HEPH: variants seen among roughly 807,000 people sequenced by gnomAD.
HEPH encodes the protein hephaestin.
A neutral mutation model predicts 80.8 loss-of-function variants in HEPH; 69 were observed. That is an observed-to-expected ratio of 0.85 (90% CI 0.70 to 1.04). The LOEUF (loss-of-function observed/expected upper bound fraction) is 1.04, where lower values mean the gene tolerates loss of function less well. HEPH is among the 50% of genes least tolerant of loss of function. The probability of loss-of-function intolerance (pLI) is 0.00; values close to 1 mark genes in which losing one functional copy is unlikely to be tolerated. For synonymous variants in HEPH, 431 were observed against 322.8 expected, an observed-to-expected ratio of 1.34 and a Z score of -3.60; for missense variants, 1,115 against 891.3, an observed-to-expected ratio of 1.25 and a Z score of -3.20.
chrX:66,222,603 C>G (rs1212059308), intron 15 of HEPH, among the ~76,000 whole-genome samples: 1 of 111,986 alleles, frequency 8.9e-6, no homozygotes, highest in Non-Finnish European at 1.9e-5. Context: ...TCCTTGCTCT[C>G]TAGTGGTCCA....
intron 15 of HEPH, among the ~76,000 whole-genome samples, chrX:66,235,773 T>C (rs1169992689): frequency 8.9e-6 from 1 of 112,283 alleles, no homozygotes; most frequent in Non-Finnish European, 1.9e-5. Context: ...ATTGAATCTA[T>C]ACATTGCTTT....
In HEPH at chrX:66,229,210, A is replaced by G. The variant is rs753655963; in HGVS notation, c.2563+20964A>G. Among the ~76,000 whole-genome samples, 37 of 112,474 alleles carry G rather than the reference A, an allele frequency of 3.3e-4. No individual in the cohort carries two copies. The South Asian group carries it at 0.014, about 41-fold the overall frequency. Reference sequence around the variant, plus strand: ...CATAGACATAGATATAGACATAGACATAGATATAGATATATAGATATAGAT... The same window carrying G: ...CATAGACATAGATATAGACATAGACGTAGATATAGATATATAGATATAGAT... On this transcript the variant is annotated intron_variant, in intron 15 of 20. Transcript: ENST00000343002.
chrX:66,232,798 C>T (rs2090204482), intron 15 of HEPH, among the ~76,000 whole-genome samples: 1 of 110,780 alleles, frequency 9.0e-6, no homozygotes, highest in South Asian at 3.8e-4. Flanking sequence ...ATGGTATATT[C>T]TATCAGTAAA....
At chrX:66,186,610 C>T (rs756919265) in intron 4 of HEPH, among the ~76,000 whole-genome samples, 6 of 112,198 alleles carry the variant, frequency 5.3e-5, no homozygotes, top group Non-Finnish European at 9.4e-5. Context: ...CTGGCACTCC[C>T]TAGTGAGATG....
intron 13 of HEPH, among the ~76,000 whole-genome samples, 200 bp from the exon 14 acceptor site, chrX:66,206,995 C>A (rs2088815408): frequency 9.4e-6 from 1 of 106,683 alleles, no homozygotes; most frequent in African/African-American, 3.4e-5. Context: ...CCAGCCTGGG[C>A]AACAAGAGCG....
Position 66,260,137 on chromosome X carries a change from T to A in HEPH, c.3074T>A (p.Phe1025Tyr). 1 of 1,209,207 alleles carries A rather than the reference T, an allele frequency of 8.3e-7. No homozygotes were observed. The highest frequency in any genetic ancestry group is 1.1e-6 in the Non-Finnish European group (1 of 893,728). Residue 1025 changes from phenylalanine to tyrosine, a missense_variant, in exon 19 of 21, where the codon TTC becomes TAC. Phe to Tyr is a conservative substitution (Grantham distance 22). Around this residue, in one of 3 missense-constraint regions of HEPH, gnomAD observed 716 missense variants for 523.5 expected, o/e 1.37. Coordinates refer to ENST00000343002, the MANE Select transcript of HEPH (RefSeq NM_001367233.3). ...ENYRADVVDL[F>Y]PGTFEVVEMV... Reference sequence around the variant, plus strand: ...TACCGGGCAGATGTGGTGGATCTGTTCCCAGGGACTTTTGAGGTTGTGGAG... The same window carrying A: ...TACCGGGCAGATGTGGTGGATCTGTACCCAGGGACTTTTGAGGTTGTGGAG...
At chrX:66,194,681 T>A (rs1224155468) in intron 8 of HEPH, among the ~76,000 whole-genome samples, 1 of 111,640 alleles carries the variant, frequency 9.0e-6, no homozygotes, top group Non-Finnish European at 1.9e-5. Flanking sequence ...GACATGTAGC[T>A]ATGGGATCTG....
At chrX:66,199,190 C>T (rs1350997156) in intron 11 of HEPH, among the ~76,000 whole-genome samples, 162 bp downstream of exon 11, 2 of 112,215 alleles carry the variant, frequency 1.8e-5, no homozygotes, top group Non-Finnish European at 3.8e-5. Context: ...AGATCTTATA[C>T]TTAGTACCTT....
upstream of HEPH, among the ~76,000 whole-genome samples, chrX:66,163,864 C>T (rs200437594): frequency 2.7e-5 from 3 of 112,022 alleles, no homozygotes; most frequent in East Asian, 5.6e-4. Flanking sequence ...TAACATAGGG[C>T]TTAGAATGTA....
In HEPH at chrX:66,204,439, G is replaced by T. The variant is rs191120848; in HGVS notation, c.2291+862G>T. On this transcript the variant is annotated intron_variant, in intron 13 of 20. Transcript: ENST00000343002. ...TTACTCTTTGCGTTGTTCGTTGAAG[G>T]TTGAAGTCTTCCTGCTAAACATCTA... Among the ~76,000 whole-genome samples the T allele has an allele frequency of 4.4e-4, 49 of 112,127 alleles. 1 individual carries two copies. Among genetic ancestry groups the T allele is most frequent in the African/African-American group, 1.6e-3 (48 of 30,908 alleles).
intron 6 of HEPH, among the ~76,000 whole-genome samples, chrX:66,190,199 G>C (rs763302922): frequency 1.8e-5 from 2 of 109,822 alleles, no homozygotes; most frequent in Non-Finnish European, 3.8e-5. Context: ...GGATGGATAA[G>C]TAGACTTTTA....
At chrX:66,204,394 T>C (rs2088648070) in intron 13 of HEPH, among the ~76,000 whole-genome samples, 1 of 112,414 alleles carries the variant, frequency 8.9e-6, no homozygotes, top group Admixed American at 9.4e-5. Flanking sequence ...TTTGGTGCTG[T>C]CACTACACTT....
chrX:66,263,266 GT>G (rs746613376), intron 19 of HEPH, among the ~76,000 whole-genome samples: 2 of 111,864 alleles, frequency 1.8e-5, no homozygotes, highest in Admixed American at 1.9e-4. Flanking sequence ...AGGAAGAAGT[GT>G]TCTGAGAAGA....
At position 66,200,590 on chromosome X, in the gene HEPH, G is replaced by A. The variant is rs2088382692; in HGVS notation, c.1915G>A (p.Gly639Ser). The change falls in exon 12 of 21, where the codon GGT becomes AGT. Residue 639 changes from glycine to serine, a missense_variant. Gly to Ser is a moderately conservative substitution (Grantham distance 56). Transcript: ENST00000343002. ...SNLPRLDMCK[G>S]DTVAWHLLGL... ...CCTGCCCAGGCTGGACATGTGCAAG[G>A]GTGACACAGTGGCCTGGCACCTGCT... 2 of 1,207,694 alleles carry A rather than the reference G, an allele frequency of 1.7e-6. No individual in the cohort carries two copies. The highest frequency in any genetic ancestry group is 1.8e-5 in the South Asian group (1 of 56,246).
rs2091555585 is a variant in HEPH at position 66,266,831 on chromosome X, C to G, written c.*159C>G. 4.6e-6 allele frequency: 2 copies of G among 430,591 alleles called. No homozygotes were observed. The highest frequency in any genetic ancestry group is 4.0e-5 in the South Asian group (1 of 24,769). The allele number at this position is 430,591 out of a possible 1,213,427, so 35.5% of individuals were successfully genotyped here. On this transcript the variant is annotated 3_prime_UTR_variant, in exon 21 of 21. Coordinates refer to ENST00000343002, the MANE Select transcript of HEPH (RefSeq NM_001367233.3). The stretch of plus-strand genomic sequence containing the variant: ...GATATTTCTTTCTTTATTTATTTTA[C>G]ATGGAAATAATATGATTTCACTTTT...
intron 4 of HEPH, among the ~76,000 whole-genome samples, chrX:66,177,294 A>T (rs1297944842): frequency 9.0e-6 from 1 of 111,585 alleles, no homozygotes; most frequent in African/African-American, 3.3e-5. Context: ...TGTCAAAAGG[A>T]TTGGTACCAA....
chrX:66,240,747 A>G (rs1435695323), intron 15 of HEPH, among the ~76,000 whole-genome samples: 4 of 112,374 alleles, frequency 3.6e-5, no homozygotes, highest in Non-Finnish European at 7.5e-5. Flanking sequence ...CACTGAAAAT[A>G]AAAAGAAAAC....
rs1472606210 is a variant in HEPH at position 66,182,021 on chromosome X, A to G, written c.626-6338A>G. On this transcript the variant is annotated intron_variant, in intron 4 of 20. Transcript: ENST00000343002. ...GATAAGATAGTTGTAGATATGCGGCATTATTTCTGAGGGCTCTGTTCTGTT... is the reference window on the plus strand; with the variant it reads ...GATAAGATAGTTGTAGATATGCGGCGTTATTTCTGAGGGCTCTGTTCTGTT... 3.9e-3 allele frequency among the ~76,000 whole-genome samples: 413 copies of G among 107,073 alleles called. 3 individuals are homozygous for G. The highest frequency in any genetic ancestry group is 0.012 in the African/African-American group (365 of 29,418). 93.0% of individuals were successfully genotyped at this position (107,073 alleles called of 115,157 possible). A position where few individuals can be genotyped will look rare whatever the true frequency, so the allele number is the denominator to read the frequency against.
chrX:66,230,532 A>G (rs1442605902), intron 15 of HEPH, among the ~76,000 whole-genome samples: 1 of 107,353 alleles, frequency 9.3e-6, no homozygotes, highest in East Asian at 2.9e-4. Context: ...GCCAGTGATG[A>G]TGAACATTTT....
Sources: gnomAD v4.1 joint callset for allele counts (sites outside exome capture counted in the v4.1 genomes callset) on GRCh38, gnomAD v4.1.1 for gene constraint, gnomAD v4.1.1 regional missense constraint, MANE v1.5 for transcripts, NCBI Gene and HGNC (gene_info 2026-07-23, HGNC 2026-07-21) for gene names.